LIMCH1: variants seen among roughly 807,000 people sequenced by gnomAD.
The protein encoded by LIMCH1 is LIM and calponin homology domains-containing protein 1.
LIMCH1 carries 113 observed loss-of-function variants against 176.5 expected under a neutral mutation model. The observed-to-expected ratio is 0.64, with a 90% CI of 0.55 to 0.75. The LOEUF is 0.75. LIMCH1 is among the 30% of genes least tolerant of loss of function. LIMCH1 has a pLI of 0.00. For missense variants in LIMCH1, 1,674 were observed against 1,814.9 expected (o/e 0.92, Z 1.41); for synonymous variants, 619 against 645.9 (o/e 0.96, Z 0.63).
intron 1 of LIMCH1, among the ~76,000 whole-genome samples, chr4:41,464,635 A>G (rs1289670022): frequency 2.6e-5 from 4 of 151,576 alleles, no homozygotes; most frequent in Non-Finnish European, 4.4e-5. Flanking sequence ...CAGCCTCCCA[A>G]AGTGCTGGGG....
At chr4:41,527,320 G>A (rs4376183) in intron 3 of LIMCH1, among the ~76,000 whole-genome samples, 67,086 of 152,086 alleles carry the variant, frequency 0.44, 17,403 homozygotes, top group East Asian at 0.76. Flanking sequence ...AGGCCTGCAA[G>A]TGGTTTCGTA....
chr4:41,544,034 C>A (rs1205211373), intron 1 of LIMCH1, among the ~76,000 whole-genome samples: 1 of 152,174 alleles, frequency 6.6e-6, no homozygotes, highest in Non-Finnish European at 1.5e-5. Context: ...CAGCAAATAA[C>A]ATGACAAACT....
At chr4:41,619,113 C>T (rs2092367619) in intron 5 of LIMCH1, 75 bp from the exon 6 acceptor site, 1 of 1,528,392 alleles carries the variant, frequency 6.5e-7, no homozygotes, top group African/African-American at 1.4e-5. Flanking sequence ...GAACCACATC[C>T]CTAATGCATG....
Position 41,619,262 on chromosome 4 carries a change from C to G in LIMCH1, c.280C>G (p.Arg94Gly). The G allele has an allele frequency of 6.2e-7, 1 of 1,614,218 alleles. No homozygotes were observed. The highest frequency in any genetic ancestry group is 8.5e-7 in the Non-Finnish European group (1 of 1,180,048). The change falls in exon 6 of 32, where the codon CGG (arginine) becomes GGG (glycine). Residue 94 changes from arginine to glycine, a missense_variant. Arg to Gly is a moderately radical substitution (Grantham distance 125). Transcript: ENST00000503057. ...TGTGAAGAAGGATGACATGTCTGCA[C>G]GGCGGACTTCCCATGGTGAGCCGAA... ...PDVKKDDMSA[R>G]RTSHGEPKSA...
At chr4:41,669,652 A>G (rs1560309416) in intron 21 of LIMCH1, among the ~76,000 whole-genome samples, 2 of 152,260 alleles carry the variant, frequency 1.3e-5, no homozygotes, top group South Asian at 2.1e-4. Context: ...ACTGATTGAT[A>G]TGAAAATAAC....
At chr4:41,511,597 G>A (rs1369860932) in intron 2 of LIMCH1, among the ~76,000 whole-genome samples, 4 of 152,194 alleles carry the variant, frequency 2.6e-5, no homozygotes, top group South Asian at 2.1e-4. Flanking sequence ...TACTGACAGC[G>A]ACTCACCCAT....
intron 9 of LIMCH1, among the ~76,000 whole-genome samples, chr4:41,630,339 G>A (rs2093250477): frequency 6.6e-6 from 1 of 152,114 alleles, no homozygotes; most frequent in Admixed American, 6.5e-5. Flanking sequence ...CTCAGCATAT[G>A]CAGCATGAGA....
At chr4:41,370,191 G>A (rs2053753745) in intron 1 of LIMCH1, among the ~76,000 whole-genome samples, 2 of 152,070 alleles carry the variant, frequency 1.3e-5, no homozygotes, top group Admixed American at 1.3e-4. Context: ...CGGCCTTAGG[G>A]CTCTCACCTT....
chr4:41,454,474 GGAGA>G (rs1285250315), intron 1 of LIMCH1, among the ~76,000 whole-genome samples: 6 of 144,072 alleles, frequency 4.2e-5, no homozygotes, highest in Admixed American at 4.1e-4. Context: ...AGAGAGAGAG[GGAGA>G]GAGAGAGAAT....
At chr4:41,646,027 G>T (rs1033143873) in intron 15 of LIMCH1, 96 bp from the exon 16 acceptor site, 8 of 1,267,994 alleles carry the variant, frequency 6.3e-6, no homozygotes, top group South Asian at 6.0e-5. Context: ...CCCATAGTCA[G>T]TTCTCTAAAG....
At chr4:41,671,680 C>T (rs2095037609) in intron 22 of LIMCH1, 86 bp downstream of exon 22, 11 of 1,055,796 alleles carry the variant, frequency 1.0e-5, no homozygotes, top group Non-Finnish European at 1.3e-5. Context: ...GTATTCAGGC[C>T]GGGTGCAGGC....
At chr4:41,669,029 G>C (rs1241279022) in intron 21 of LIMCH1, among the ~76,000 whole-genome samples, 1 of 152,106 alleles carries the variant, frequency 6.6e-6, no homozygotes, top group Non-Finnish European at 1.5e-5. Context: ...TTCAAGATTT[G>C]GGAGGGGACA....
At chr4:41,500,135 C>A (rs2072997657) in intron 2 of LIMCH1, among the ~76,000 whole-genome samples, 1 of 152,320 alleles carries the variant, frequency 6.6e-6, no homozygotes, top group Non-Finnish European at 1.5e-5. Flanking sequence ...AAGGTGATGT[C>A]CCCAAGATTT....
chr4:41,442,399 G>A (rs2062800389), intron 1 of LIMCH1, among the ~76,000 whole-genome samples: 1 of 152,204 alleles, frequency 6.6e-6, no homozygotes, highest in South Asian at 2.1e-4. Flanking sequence ...CACAAGTTTG[G>A]CCACTTAGCA....
intron 28 of LIMCH1, among the ~76,000 whole-genome samples, chr4:41,686,309 A>G (rs1720722253): frequency 6.6e-6 from 1 of 152,184 alleles, no homozygotes; most frequent in South Asian, 2.1e-4. Context: ...ACTCTGTTGA[A>G]GAGTTTACAT....
At chr4:41,613,002 G>A (rs1027506385) in intron 4 of LIMCH1, 1 of 1,551,454 alleles carries the variant, frequency 6.4e-7, no homozygotes, top group Non-Finnish European at 8.7e-7. Flanking sequence ...GCCTGTATTT[G>A]CCAGATAGTA....
intron 7 of LIMCH1, among the ~76,000 whole-genome samples, chr4:41,621,889 C>G (rs1029657269): frequency 6.6e-6 from 1 of 152,046 alleles, no homozygotes; most frequent in Non-Finnish European, 1.5e-5. Flanking sequence ...CTCTATACAG[C>G]TCCACATGTG....
intron 1 of LIMCH1, among the ~76,000 whole-genome samples, chr4:41,596,572 A>G (rs935125968): frequency 1.3e-5 from 2 of 152,246 alleles, no homozygotes; most frequent in African/African-American, 4.8e-5. Context: ...TGATCAATGC[A>G]CAACTAGAAA....
intron 1 of LIMCH1, among the ~76,000 whole-genome samples, chr4:41,448,134 G>C (rs1304756252): frequency 6.6e-6 from 1 of 152,212 alleles, no homozygotes; most frequent in African/African-American, 2.4e-5. Flanking sequence ...AGAAAATGCA[G>C]AGTAGAATGT....
Sources: allele counts gnomAD v4.1 joint callset (sites outside exome capture counted in the v4.1 genomes callset), GRCh38; gene constraint gnomAD v4.1.1; transcripts MANE v1.5; gene names NCBI Gene and HGNC (gene_info 2026-07-23, HGNC 2026-07-21).